The following CRY2 variants were observed in gnomAD, a reference collection of about 807,000 sequenced individuals.
CRY2 encodes cryptochrome circadian regulator 2.
Under a neutral mutation model 69.5 loss-of-function variants are expected in CRY2, and 31 were observed. The ratio of observed to expected loss-of-function variants is 0.45; its 90% confidence interval spans 0.34 to 0.60. The LOEUF (loss-of-function observed/expected upper bound fraction) is 0.60, where lower values mean the gene tolerates loss of function less well. CRY2 is among the 20% of genes least tolerant of loss of function. CRY2 has a pLI of 0.02. For synonymous variants in CRY2, 303 were observed against 312.2 expected (o/e 0.97, Z 0.31); for missense variants, 606 against 797.8 (o/e 0.76, Z 2.90).
intron 9 of CRY2, 78 bp downstream of exon 9, chr11:45,870,610 A>T: frequency 6.6e-7 from 1 of 1,524,298 alleles, no homozygotes; most frequent in Non-Finnish European, 9.0e-7. Context: ...GGATGTCCAG[A>T]TACTTGCAAA....
intron 3 of CRY2, among the ~76,000 whole-genome samples, chr11:45,859,377 A>G (rs895903632): frequency 6.6e-6 from 1 of 151,972 alleles, no homozygotes; most frequent in African/African-American, 2.4e-5. Context: ...CCTGGGCAAC[A>G]TAGTGAGACC....
At chr11:45,847,201 G>A (rs1033035937), upstream of CRY2, 2 of 1,549,252 alleles carry the variant, frequency 1.3e-6, no homozygotes, top group Non-Finnish European at 8.7e-7. Context: ...CCGGCACTCC[G>A]CGGACAGCCC....
At chr11:45,865,464 C>G (rs2086323784) in intron 5 of CRY2, among the ~76,000 whole-genome samples, 1 of 152,206 alleles carries the variant, frequency 6.6e-6, no homozygotes, top group African/African-American at 2.4e-5. Context: ...TGGGGGCTAG[C>G]AAGGGTGTGT....
intron 5 of CRY2, chr11:45,867,287 G>C (rs1222250128): frequency 3.4e-6 from 1 of 296,602 alleles, no homozygotes; most frequent in Non-Finnish European, 6.3e-6. Context: ...AGTTCATTCA[G>C]TGCTTTCAGA....
chr11:45,865,074 T>G (rs2086319379), intron 5 of CRY2, among the ~76,000 whole-genome samples: 1 of 152,120 alleles, frequency 6.6e-6, no homozygotes, highest in African/African-American at 2.4e-5. Flanking sequence ...ATAAAGTTTT[T>G]TAAATGGCCA....
chr11:45,865,560 G>T (rs117729717), intron 5 of CRY2, among the ~76,000 whole-genome samples: 115 of 152,318 alleles, frequency 7.5e-4, no homozygotes, highest in Non-Finnish European at 1.1e-3. Context: ...TTGAGGTTGC[G>T]ACTTGAAGGA....
intron 11 of CRY2, among the ~76,000 whole-genome samples, chr11:45,880,194 CTT>C: frequency 6.6e-6 from 1 of 152,194 alleles, no homozygotes; most frequent in Admixed American, 6.5e-5. Flanking sequence ...ACTGCACAAA[CTT>C]TTAATGGGAC....
Position 45,870,118 on chromosome 11 carries a change from C to T in CRY2, c.1260C>T (p.Ser420=). The stretch of plus-strand genomic sequence containing the variant: ...ACGCAGGCAGCTGGATGTGGCTGTC[C>T]TGCAGTGCTTTCTTCCAGCAGTTCT... ...SVNAGSWMWL[S]CSAFFQQFFH... is the part of the protein sequence containing the mutation. Residue 420 remains serine, a synonymous_variant, in exon 8 of 12, where the codon TCC becomes TCT. Coordinates refer to ENST00000616080, the MANE Select transcript of CRY2 (RefSeq NM_021117.5). 1 of 1,613,812 alleles carries T rather than the reference C, an allele frequency of 6.2e-7. No individual in the cohort carries two copies. Among genetic ancestry groups the T allele is most frequent in the Non-Finnish European group, 8.5e-7 (1 of 1,179,918 alleles).
rs545798831 is a variant in CRY2, at chr11:45,866,655, A to G, written c.742-957A>G. On this transcript the variant is annotated intron_variant, in intron 5 of 11. Coordinates refer to ENST00000616080, the MANE Select transcript of CRY2 (RefSeq NM_021117.5). ...AGCCTGGCCAACATGGCGAAACCCCATGTCTACTAAAAATACAAAAATTAG... is the reference window on the plus strand; with the variant it reads ...AGCCTGGCCAACATGGCGAAACCCCGTGTCTACTAAAAATACAAAAATTAG... Among the ~76,000 whole-genome samples the G allele has an allele frequency of 2.2e-4, 33 of 152,294 alleles. No individual in the cohort carries two copies. In the South Asian group the frequency reaches 6.2e-3, roughly 29 times the overall value.
In CRY2 at chr11:45,869,501, C is replaced by T. The variant is rs1246980088; in HGVS notation, c.883-5C>T. ...TTGTATCCATGTGCCACCCCTACCTCTCAGGTGAAGCGGAACAGCACACCT... is the reference window on the plus strand; with the variant it reads ...TTGTATCCATGTGCCACCCCTACCTTTCAGGTGAAGCGGAACAGCACACCT... On this transcript the variant is annotated splice_region_variant and splice_polypyrimidine_tract_variant and intron_variant, in intron 6 of 11. Coordinates refer to ENST00000616080, the MANE Select transcript of CRY2 (RefSeq NM_021117.5). The T allele has an allele frequency of 6.2e-7, 1 of 1,600,746 alleles. No homozygotes were observed. The highest frequency in any genetic ancestry group is 1.3e-5 in the African/African-American group (1 of 74,764).
At chr11:45,873,838 G>A (rs1386952778) in intron 11 of CRY2, among the ~76,000 whole-genome samples, 1 of 152,188 alleles carries the variant, frequency 6.6e-6, no homozygotes, top group East Asian at 1.9e-4. Flanking sequence ...GCGCTAGGGG[G>A]CCTGAAAAGT....
intron 5 of CRY2, among the ~76,000 whole-genome samples, chr11:45,863,402 C>T (rs1184188852): frequency 6.6e-6 from 1 of 152,010 alleles, no homozygotes; most frequent in Non-Finnish European, 1.5e-5. Flanking sequence ...TCCTTTTCCA[C>T]ATACCCCCAG....
At chr11:45,855,252 T>C (rs2086230596) in intron 1 of CRY2, among the ~76,000 whole-genome samples, 1 of 144,972 alleles carries the variant, frequency 6.9e-6, no homozygotes, top group East Asian at 2.1e-4. Flanking sequence ...ACCAGAGCCC[T>C]GGAGAGGCCT....
intron 1 of CRY2, among the ~76,000 whole-genome samples, chr11:45,849,991 G>A (rs893024551): frequency 5.2e-5 from 7 of 134,786 alleles, no homozygotes; most frequent in African/African-American, 1.6e-4. Flanking sequence ...GGGATTTTTT[G>A]TTTTGTTTTG....
At chr11:45,874,220 C>T (rs865952320) in intron 11 of CRY2, among the ~76,000 whole-genome samples, 48 of 151,636 alleles carry the variant, frequency 3.2e-4, no homozygotes, top group African/African-American at 1.1e-3. Context: ...GCAGAGGTTG[C>T]AGTGAGCCGA....
chr11:45,877,767 C>T (rs2086435027), intron 11 of CRY2, among the ~76,000 whole-genome samples: 1 of 152,204 alleles, frequency 6.6e-6, no homozygotes, highest in South Asian at 2.1e-4. Flanking sequence ...TCCCCAGACC[C>T]CTTTTTCTAC....
chr11:45,862,466 G>A (rs1414509505), intron 5 of CRY2, among the ~76,000 whole-genome samples: 1 of 152,202 alleles, frequency 6.6e-6, no homozygotes, highest in Non-Finnish European at 1.5e-5. Context: ...GCTTAGAGAG[G>A]TTAAGTAACT....
chr11:45,870,948 A>G lies in CRY2; in HGVS notation c.1642+14A>G, dbSNP rs762112009. ...TGAGCAGTGCAGGTGAGCAGCAGCA[A>G]CCAACCTCCTGTGGCCTCCTGTGGC... is the stretch of plus-strand genomic sequence containing the variant. On this transcript the variant is annotated intron_variant, in intron 10 of 11. Transcript: ENST00000616080. 8.1e-6 allele frequency: 13 copies of G among 1,604,674 alleles called. No homozygotes were observed. Among genetic ancestry groups the G allele is most frequent in the Middle Eastern group, 1.7e-4 (1 of 6,060 alleles).
chr11:45,852,856 G>C (rs892328315), intron 1 of CRY2, among the ~76,000 whole-genome samples: 6 of 152,306 alleles, frequency 3.9e-5, no homozygotes, highest in Admixed American at 3.3e-4. Flanking sequence ...TTGGAGGTCT[G>C]GGTTAGAGCC....
Sources: allele counts gnomAD v4.1 joint callset (sites outside exome capture counted in the v4.1 genomes callset), GRCh38; gene constraint gnomAD v4.1.1; transcripts MANE v1.5; gene names NCBI Gene and HGNC (gene_info 2026-07-23, HGNC 2026-07-21).